The following CDK6 variants were observed in gnomAD, a reference collection of about 807,000 sequenced individuals.
CDK6 encodes cyclin dependent kinase 6.
Under a neutral mutation model 37.1 loss-of-function variants are expected in CDK6, and 6 were observed. That is an observed-to-expected ratio of 0.16 (90% confidence interval 0.09 to 0.32). The LOEUF is 0.32. Ranked by LOEUF, CDK6 falls within the 10% of genes least tolerant of loss-of-function variation. The pLI is 1.00. For synonymous variants in CDK6, 160 were observed against 161.3 expected (o/e 0.99, Z 0.06); for missense variants, 224 against 418.9 (o/e 0.53, Z 4.06).
chr7:92,709,885 G>A (rs984737351), intron 4 of CDK6, among the ~76,000 whole-genome samples: 1 of 152,162 alleles, frequency 6.6e-6, no homozygotes, highest in Non-Finnish European at 1.5e-5. Flanking sequence ...GGTGTGGTAA[G>A]CAATCATTCT....
intron 4 of CDK6, among the ~76,000 whole-genome samples, chr7:92,696,211 G>A (rs1239201168): frequency 6.6e-6 from 1 of 152,204 alleles, no homozygotes; most frequent in African/African-American, 2.4e-5. Context: ...TGAGAGGCGA[G>A]GCTACAAGAG....
intron 4 of CDK6, among the ~76,000 whole-genome samples, chr7:92,713,344 C>A (rs1798146203): frequency 6.6e-6 from 1 of 152,054 alleles, no homozygotes; most frequent in Non-Finnish European, 1.5e-5. Flanking sequence ...AATGCATAGG[C>A]AGCTTTTGAA....
At chr7:92,756,108 T>A (rs1176496327) in intron 3 of CDK6, among the ~76,000 whole-genome samples, 3 of 150,996 alleles carry the variant, frequency 2.0e-5, no homozygotes, top group African/African-American at 7.4e-5. Flanking sequence ...TGTTATAGAT[T>A]AGGCCCTGCT....
intron 4 of CDK6, among the ~76,000 whole-genome samples, chr7:92,712,865 TG>T (rs1173949796): frequency 6.6e-5 from 10 of 151,558 alleles, no homozygotes; most frequent in South Asian, 4.2e-4. Context: ...TATGTATGTA[TG>T]TATGTATGTA....
At chr7:92,796,457 T>C (rs886688212) in intron 2 of CDK6, among the ~76,000 whole-genome samples, 11 of 152,094 alleles carry the variant, frequency 7.2e-5, no homozygotes, top group Admixed American at 7.2e-4. Context: ...AATAATATTT[T>C]ATAAGTTGCT....
chr7:92,809,760 G>A (rs559500368), intron 2 of CDK6, among the ~76,000 whole-genome samples: 26 of 152,242 alleles, frequency 1.7e-4, no homozygotes, highest in Admixed American at 1.5e-3. Context: ...AAAACAGAAA[G>A]GAAAGACTGC....
At chr7:92,649,079 A>G (rs1796511672) in intron 5 of CDK6, among the ~76,000 whole-genome samples, 1 of 152,022 alleles carries the variant, frequency 6.6e-6, no homozygotes, top group Admixed American at 6.6e-5. Context: ...ATATTTGAGG[A>G]GCTATGCACT....
chr7:92,833,608 T>C lies in CDK6; in HGVS notation c.-285A>G. On this transcript the variant is annotated 5_prime_UTR_variant, in exon 2 of 8. Coordinates refer to ENST00000424848, the MANE Select transcript of CDK6 (RefSeq NM_001145306.2). The surrounding 1 kb of genome is among the most constrained non-coding windows in gnomAD (Gnocchi z 6.1). ...CGGAGGAGCGAGCCGATCCCTCCTC[T>C]TCCCTCCTCGAAGCGAAGTCCTCAA... 1 of 536,716 alleles carries C rather than the reference T, an allele frequency of 1.9e-6. No homozygotes were observed. Among genetic ancestry groups the C allele is most frequent in the Non-Finnish European group, 3.2e-6 (1 of 310,294 alleles). 33.2% of individuals were successfully genotyped at this position (536,716 alleles called of 1,614,324 possible).
At chr7:92,762,193 C>T (rs1009177808) in intron 3 of CDK6, among the ~76,000 whole-genome samples, 1 of 152,164 alleles carries the variant, frequency 6.6e-6, no homozygotes, top group East Asian at 1.9e-4. Context: ...ATGTTTCAGG[C>T]ACTTACACTC....
In CDK6 at chr7:92,610,412, A is replaced by T. The variant is rs1352092121; in HGVS notation, c.*4728T>A. The T allele has an allele frequency of 1.7e-5, 4 of 231,546 alleles. No homozygotes were observed. The highest frequency in any genetic ancestry group is 2.5e-3 in the Middle Eastern group (2 of 792). The allele number at this position is 231,546 out of a possible 1,614,324, so 14.3% of individuals were successfully genotyped here. A position where few individuals can be genotyped will look rare whatever the true frequency, so the allele number is the denominator to read the frequency against. On this transcript the variant is annotated 3_prime_UTR_variant, in exon 8 of 8. Coordinates refer to ENST00000424848, the MANE Select transcript of CDK6 (RefSeq NM_001145306.2). The stretch of plus-strand genomic sequence containing the variant: ...CTGATTGGCACTTCATTAAGAAAAT[A>T]AAAATCCCCAGAAAGGCTACTTGAG...
At chr7:92,698,312 C>A (rs1797766244) in intron 4 of CDK6, among the ~76,000 whole-genome samples, 2 of 152,318 alleles carry the variant, frequency 1.3e-5, no homozygotes, top group South Asian at 2.1e-4. Context: ...ATATGCACAG[C>A]TAAAAGGAAT....
At chr7:92,818,376 G>A (rs1222429717) in intron 2 of CDK6, among the ~76,000 whole-genome samples, 3 of 151,930 alleles carry the variant, frequency 2.0e-5, no homozygotes, top group Admixed American at 2.0e-4. Context: ...AAATGGTGCG[G>A]AAATAGCTGG....
chr7:92,774,801 T>C lies in CDK6; in HGVS notation c.264A>G (p.Thr88=). 6.2e-7 allele frequency: 1 copy of C among 1,612,384 alleles called. No homozygotes were observed. The highest frequency in any genetic ancestry group is 8.5e-7 in the Non-Finnish European group (1 of 1,179,378). ...CTAAAGTTAGTTTGGTTTCTCTGTC[T>C]GTTCGTGACACTGTGCACACATCAA... ...RLFDVCTVSR[T]DRETKLTLVF... is the part of the protein sequence containing the mutation. Residue 88 remains threonine (T), a synonymous_variant, in exon 3 of 8, where the codon ACA becomes ACG. Coordinates refer to ENST00000424848, the MANE Select transcript of CDK6 (RefSeq NM_001145306.2).
intron 5 of CDK6, among the ~76,000 whole-genome samples, chr7:92,645,039 G>T (rs546765336): frequency 6.6e-6 from 1 of 152,326 alleles, no homozygotes; most frequent in Non-Finnish European, 1.5e-5. Flanking sequence ...GGCATGGAAA[G>T]CAAATTGTTC....
intron 5 of CDK6, among the ~76,000 whole-genome samples, chr7:92,666,596 T>C (rs1303050755): frequency 6.6e-6 from 1 of 152,214 alleles, no homozygotes; most frequent in Admixed American, 6.5e-5. Context: ...AATAACGTTT[T>C]GGTCAACAAT....
chr7:92,699,789 GCA>G (rs1453981702), intron 4 of CDK6, among the ~76,000 whole-genome samples: 2 of 152,196 alleles, frequency 1.3e-5, no homozygotes, highest in Non-Finnish European at 2.9e-5. Context: ...CTTACCAATT[GCA>G]CAAGCTCTGT....
chr7:92,619,725 G>A (rs959237114), intron 6 of CDK6, among the ~76,000 whole-genome samples: 1 of 151,658 alleles, frequency 6.6e-6, no homozygotes, highest in African/African-American at 2.4e-5. Context: ...TGGGTGTCTG[G>A]GGAAGACACT....
chr7:92,778,183 A>C (rs777939451), intron 2 of CDK6, among the ~76,000 whole-genome samples: 1 of 152,142 alleles, frequency 6.6e-6, no homozygotes, highest in Non-Finnish European at 1.5e-5. Flanking sequence ...AAAAAACAGA[A>C]CACCAACAAC....
At chr7:92,642,266 T>A (rs1396679290) in intron 5 of CDK6, among the ~76,000 whole-genome samples, 1 of 152,222 alleles carries the variant, frequency 6.6e-6, no homozygotes, top group African/African-American at 2.4e-5. Flanking sequence ...CTCACTTTCA[T>A]GCTCAGCCTT....
Sources: gnomAD v4.1 joint callset for allele counts (sites outside exome capture counted in the v4.1 genomes callset) on GRCh38, gnomAD v4.1.1 for gene constraint, Gnocchi (gnomAD v3.1) non-coding constraint, MANE v1.5 for transcripts, NCBI Gene and HGNC (gene_info 2026-07-23, HGNC 2026-07-21) for gene names.